Variants in TRPM3 observed in about 807,000 individuals in gnomAD.
TRPM3 encodes the protein transient receptor potential cation channel subfamily M member 3, also known as long transient receptor potential channel 3.
A neutral mutation model predicts 181.2 loss-of-function variants in TRPM3; 77 were observed. The ratio of observed to expected loss-of-function variants is 0.42; its 90% confidence interval spans 0.35 to 0.51. The LOEUF (loss-of-function observed/expected upper bound fraction) is 0.51, where lower values mean the gene tolerates loss of function less well. Ranked by LOEUF, TRPM3 falls within the 20% of genes least tolerant of loss-of-function variation. The pLI, the probability that TRPM3 is intolerant of heterozygous loss-of-function variation, is 0.01. For missense variants in TRPM3, 1,759 were observed against 2,196.7 expected (o/e 0.80, Z 3.98); for synonymous variants, 745 against 796.4 (o/e 0.94, Z 1.09).
intron 12 of TRPM3, among the ~76,000 whole-genome samples, chr9:70,632,918 G>T (rs372001271): frequency 6.6e-6 from 1 of 152,288 alleles, no homozygotes; most frequent in South Asian, 2.1e-4. Context: ...AGGGATTTCA[G>T]AAAAGAGAAA....
intron 1 of TRPM3, among the ~76,000 whole-genome samples, chr9:70,887,570 A>G (rs1361059743): frequency 6.6e-6 from 1 of 152,172 alleles, no homozygotes; most frequent in Non-Finnish European, 1.5e-5. Flanking sequence ...GTTTTCCTGA[A>G]TATCTGGTAT....
chr9:71,367,688 G>T (rs1206291432), intron 1 of TRPM3, among the ~76,000 whole-genome samples: 1 of 152,032 alleles, frequency 6.6e-6, no homozygotes, highest in Non-Finnish European at 1.5e-5. Flanking sequence ...GGTTATTTGA[G>T]GATGCATTAA....
chr9:70,758,458 T>G (rs537488131), intron 8 of TRPM3, among the ~76,000 whole-genome samples: 1 of 152,342 alleles, frequency 6.6e-6, no homozygotes, highest in South Asian at 2.1e-4. Flanking sequence ...ATTGACTTTC[T>G]TCACAGAATT....
chr9:71,212,037 G>A (rs1297018106), intron 1 of TRPM3, among the ~76,000 whole-genome samples: 1 of 152,152 alleles, frequency 6.6e-6, no homozygotes, highest in East Asian at 1.9e-4. Context: ...AGCTTAGCTG[G>A]GAAGACAGGG....
At chr9:71,312,082 A>AT (rs2088005110) in intron 1 of TRPM3, among the ~76,000 whole-genome samples, 1 of 152,160 alleles carries the variant, frequency 6.6e-6, no homozygotes, top group Non-Finnish European at 1.5e-5. Flanking sequence ...ATTCATTAAA[A>AT]TTTAAAACTT....
intron 1 of TRPM3, among the ~76,000 whole-genome samples, chr9:71,029,923 ACAGACTGACC>A (rs763441143): frequency 2.6e-5 from 4 of 152,212 alleles, no homozygotes; most frequent in Non-Finnish European, 5.9e-5. Flanking sequence ...GTACCAGTAC[ACAGACTGACC>A]CCTGAGCCAA....
At chr9:71,115,491 A>G (rs1403709317) in intron 1 of TRPM3, among the ~76,000 whole-genome samples, 1 of 152,200 alleles carries the variant, frequency 6.6e-6, no homozygotes, top group Non-Finnish European at 1.5e-5. Context: ...AGATAATGGA[A>G]AGGGAGAAAA....
intron 8 of TRPM3, among the ~76,000 whole-genome samples, chr9:70,754,021 T>C (rs2076635158): frequency 6.6e-6 from 1 of 152,048 alleles, no homozygotes; most frequent in South Asian, 2.1e-4. Context: ...GTCTAAGTGG[T>C]CCTCCTACAC....
chr9:70,581,952 C>CT (rs2055875049), intron 22 of TRPM3, among the ~76,000 whole-genome samples: 3 of 90,446 alleles, frequency 3.3e-5, no homozygotes, highest in Non-Finnish European at 5.1e-5. Flanking sequence ...TCCTTGTCTT[C>CT]TCCTTCCTTT....
At chr9:71,227,990 C>A (rs2131887632) in intron 1 of TRPM3, among the ~76,000 whole-genome samples, 1 of 152,148 alleles carries the variant, frequency 6.6e-6, no homozygotes, top group South Asian at 2.1e-4. Flanking sequence ...TCTATGAGGC[C>A]AGTATTACCC....
At chr9:71,349,573 G>A (rs1051289450) in intron 1 of TRPM3, among the ~76,000 whole-genome samples, 2 of 152,152 alleles carry the variant, frequency 1.3e-5, no homozygotes, top group Admixed American at 6.5e-5. Flanking sequence ...ATATTTTAAC[G>A]GTGTACGTTT....
intron 20 of TRPM3, among the ~76,000 whole-genome samples, chr9:70,600,371 A>G (rs1384574070): frequency 2.0e-5 from 3 of 152,142 alleles, no homozygotes; most frequent in Non-Finnish European, 2.9e-5. Flanking sequence ...CCTCATGTCC[A>G]CTATAATGAT....
chr9:71,430,911 T>C (rs960624148), intron 1 of TRPM3, among the ~76,000 whole-genome samples: 3 of 152,214 alleles, frequency 2.0e-5, no homozygotes, highest in Admixed American at 6.5e-5. Flanking sequence ...CATTTCTCTT[T>C]CTGATCTGAA....
At chr9:71,369,086 C>T (rs1373168733) in intron 1 of TRPM3, among the ~76,000 whole-genome samples, 1 of 151,700 alleles carries the variant, frequency 6.6e-6, no homozygotes, top group African/African-American at 2.4e-5. Flanking sequence ...ATCTTACTAG[C>T]TATTTTAAGA....
chr9:70,582,622 T>C (rs1480660984), intron 22 of TRPM3, among the ~76,000 whole-genome samples: 3 of 152,196 alleles, frequency 2.0e-5, no homozygotes, highest in Non-Finnish European at 4.4e-5. Flanking sequence ...AAAATCTCAG[T>C]TAATTAAAAA....
chr9:71,089,277 A>G (rs2065811339), intron 1 of TRPM3, among the ~76,000 whole-genome samples: 1 of 150,600 alleles, frequency 6.6e-6, no homozygotes. Flanking sequence ...TCACTATAAA[A>G]TAAAACAACT....
intron 1 of TRPM3, among the ~76,000 whole-genome samples, chr9:71,205,135 G>C (rs964002831): frequency 6.6e-6 from 1 of 151,890 alleles, no homozygotes; most frequent in Non-Finnish European, 1.5e-5. Context: ...AATGGGTGCA[G>C]CACACCAGCA....
chr9:70,867,370 G>A (rs1225412017), intron 1 of TRPM3, among the ~76,000 whole-genome samples: 1 of 152,042 alleles, frequency 6.6e-6, no homozygotes, highest in Non-Finnish European at 1.5e-5. Context: ...GGAAAGCACT[G>A]GAAGTTTTAG....
At chr9:71,050,801 C>T (rs1307016752) in intron 1 of TRPM3, among the ~76,000 whole-genome samples, 10 of 152,210 alleles carry the variant, frequency 6.6e-5, no homozygotes, top group African/African-American at 2.4e-4. Flanking sequence ...AATCACAGCC[C>T]TCATCTTGGC....
Sources: gnomAD v4.1 joint callset for allele counts (sites outside exome capture counted in the v4.1 genomes callset) on GRCh38, gnomAD v4.1.1 for gene constraint, MANE v1.5 for transcripts, NCBI Gene and HGNC (gene_info 2026-07-23, HGNC 2026-07-21) for gene names.